Variants in MGAT4C observed in about 807,000 individuals in gnomAD.
MGAT4C encodes alpha-1,3-mannosyl-glycoprotein 4-beta-N-acetylglucosaminyltransferase C.
A neutral mutation model predicts 40.1 loss-of-function variants in MGAT4C; 19 were observed. The ratio of observed to expected loss-of-function variants is 0.47; its 90% CI spans 0.33 to 0.70. The LOEUF is 0.70. MGAT4C is among the 30% of genes least tolerant of loss of function. MGAT4C has a pLI of 0.02. For synonymous variants in MGAT4C, 181 were observed against 187.1 expected, an observed-to-expected ratio of 0.97 and a Z score of 0.27; for missense variants, 491 against 563.2, an observed-to-expected ratio of 0.87 and a Z score of 1.30.
At chr12:86,406,481 A>G (rs934432863) in intron 3 of MGAT4C, among the ~76,000 whole-genome samples, 13 of 152,138 alleles carry the variant, frequency 8.5e-5, no homozygotes, top group Non-Finnish European at 1.6e-4. Flanking sequence ...AAGTAAGCAC[A>G]TGAAAAGTTG....
At chr12:86,418,523 G>A (rs568345376) in intron 3 of MGAT4C, among the ~76,000 whole-genome samples, 7 of 151,908 alleles carry the variant, frequency 4.6e-5, no homozygotes, top group East Asian at 1.9e-4. Flanking sequence ...ACCGGGAGGC[G>A]GAGTTTGCAG....
chr12:86,258,290 T>C (rs1952581382), upstream of MGAT4C, among the ~76,000 whole-genome samples: 2 of 135,276 alleles, frequency 1.5e-5, no homozygotes, highest in South Asian at 4.4e-4. Context: ...ATATAATCTA[T>C]CTATCTATCT....
At chr12:86,295,141 A>G (rs974249748) in intron 4 of MGAT4C, among the ~76,000 whole-genome samples, 1 of 152,182 alleles carries the variant, frequency 6.6e-6, no homozygotes, top group African/African-American at 2.4e-5. Flanking sequence ...TAATCTCAAT[A>G]TATTTTAGTT....
intron 2 of MGAT4C, among the ~76,000 whole-genome samples, chr12:86,039,058 C>A (rs1381851534): frequency 1.4e-5 from 2 of 139,982 alleles, no homozygotes; most frequent in Non-Finnish European, 3.3e-5. Context: ...TGAATATTGG[C>A]CCCACTCTCT....
chr12:86,571,795 G>A (rs1202375928), intron 2 of MGAT4C, among the ~76,000 whole-genome samples: 11 of 152,088 alleles, frequency 7.2e-5, no homozygotes, highest in Non-Finnish European at 1.6e-4. Context: ...AATGCTAAAT[G>A]TTCTTCTATG....
chr12:86,295,663 G>C (rs1380346784), intron 4 of MGAT4C, among the ~76,000 whole-genome samples: 1 of 152,114 alleles, frequency 6.6e-6, no homozygotes, highest in Non-Finnish European at 1.5e-5. Context: ...CTGATTGGTA[G>C]AGCCGAGTGG....
At chr12:86,765,869 AATAAACAT>A (rs951361246) in intron 1 of MGAT4C, among the ~76,000 whole-genome samples, 1 of 152,224 alleles carries the variant, frequency 6.6e-6, no homozygotes, top group Non-Finnish European at 1.5e-5. Flanking sequence ...TGAAGGAAGC[AATAAACAT>A]GGAAAGGAAC....
intron 2 of MGAT4C, among the ~76,000 whole-genome samples, chr12:86,643,256 C>A (rs148958159): frequency 6.6e-6 from 1 of 151,718 alleles, no homozygotes; most frequent in Admixed American, 6.6e-5. Context: ...ACCTATACAC[C>A]TGCCGTTAGG....
At chr12:86,058,499 A>T (rs998140216) in intron 1 of MGAT4C, among the ~76,000 whole-genome samples, 1 of 152,152 alleles carries the variant, frequency 6.6e-6, no homozygotes, top group Non-Finnish European at 1.5e-5. Flanking sequence ...ACAGTTCTTT[A>T]AAATTGGGAA....
intron 3 of MGAT4C, among the ~76,000 whole-genome samples, chr12:86,404,797 A>G (rs1362798427): frequency 6.6e-6 from 1 of 152,220 alleles, no homozygotes; most frequent in Non-Finnish European, 1.5e-5. Flanking sequence ...TTGATCATCT[A>G]TGAAAGACTT....
chr12:86,376,354 G>C (rs1381356794), intron 3 of MGAT4C, among the ~76,000 whole-genome samples: 2 of 151,908 alleles, frequency 1.3e-5, no homozygotes, highest in Non-Finnish European at 2.9e-5. Context: ...CTCCAGCCTG[G>C]GTGACAGAAT....
At chr12:86,294,971 T>A (rs892928374) in intron 4 of MGAT4C, among the ~76,000 whole-genome samples, 5 of 151,988 alleles carry the variant, frequency 3.3e-5, no homozygotes, top group Non-Finnish European at 5.9e-5. Context: ...GTCACATAAA[T>A]CTTCTTCAAT....
chr12:85,985,257 T>C (rs1490422781), intron 3 of MGAT4C, among the ~76,000 whole-genome samples: 4 of 152,222 alleles, frequency 2.6e-5, no homozygotes, highest in Non-Finnish European at 4.4e-5. Flanking sequence ...ATACAAGTTT[T>C]ACAGCTGAAA....
chr12:86,032,143 C>T (rs1377062665), intron 2 of MGAT4C, among the ~76,000 whole-genome samples: 3 of 151,852 alleles, frequency 2.0e-5, no homozygotes, highest in Admixed American at 6.6e-5. Flanking sequence ...ATATCTACCA[C>T]GTTTTCTTTA....
At position 86,728,333 on chromosome 12, in the gene MGAT4C, C is replaced by T. The variant is rs140621789; in HGVS notation, c.-261-1092G>A. Among the ~76,000 whole-genome samples the T allele has an allele frequency of 3.4e-3, 525 of 152,204 alleles. 2 individuals carry two copies. Among genetic ancestry groups the T allele is most frequent in the African/African-American group, 0.012 (503 of 41,534 alleles). On this transcript the variant is annotated intron_variant, in intron 1 of 7. Coordinates refer to the MGAT4C transcript ENST00000548651. The stretch of plus-strand genomic sequence containing the variant: ...CTACATGCCTGTCTTCTTCCCCTGT[C>T]TTATTATAGAAATGTTGGCTATTAA...
intron 2 of MGAT4C, among the ~76,000 whole-genome samples, chr12:86,006,852 T>C (rs1887936455): frequency 6.6e-6 from 1 of 152,206 alleles, no homozygotes; most frequent in Non-Finnish European, 1.5e-5. Flanking sequence ...TCCTTGGCTA[T>C]AACCTTCTAC....
chr12:86,355,893 T>C (rs1214787595), intron 3 of MGAT4C, among the ~76,000 whole-genome samples: 1 of 152,164 alleles, frequency 6.6e-6, no homozygotes, highest in South Asian at 2.1e-4. Context: ...AACTTAATTT[T>C]ATAACTTTGC....
chr12:86,505,516 A>C (rs1209788752), intron 2 of MGAT4C, among the ~76,000 whole-genome samples: 1 of 152,184 alleles, frequency 6.6e-6, no homozygotes, highest in African/African-American at 2.4e-5. Flanking sequence ...AAAGTTCAGC[A>C]CTTCCCTCTT....
intron 1 of MGAT4C, among the ~76,000 whole-genome samples, chr12:86,774,308 TTTCTTTCTTTC>T (rs1175634859): frequency 7.6e-5 from 3 of 39,538 alleles, no homozygotes; most frequent in African/African-American, 1.9e-4. Flanking sequence ...TCTTTCTTTC[TTTCTTTCTTTC>T]TTTCTTTCTT....
Sources: allele counts gnomAD v4.1 joint callset (sites outside exome capture counted in the v4.1 genomes callset), GRCh38; gene constraint gnomAD v4.1.1; transcripts MANE v1.5; gene names NCBI Gene and HGNC (gene_info 2026-07-23, HGNC 2026-07-21).